The following PRRC2B variants were observed in gnomAD, a reference collection of about 807,000 sequenced individuals.
PRRC2B encodes the protein protein PRRC2B.
A neutral mutation model predicts 242.3 loss-of-function variants in PRRC2B; 68 were observed. That is an observed-to-expected ratio of 0.28 (90% CI 0.23 to 0.34). The LOEUF (loss-of-function observed/expected upper bound fraction) is 0.34. PRRC2B is among the 10% of genes least tolerant of loss of function. PRRC2B has a pLI of 1.00. For missense variants in PRRC2B, 2,835 were observed against 2,954.8 expected (o/e 0.96, Z 0.94); for synonymous variants, 1,228 against 1,173.6 (o/e 1.05, Z -0.95).
At chr9:131,456,885 T>C (rs1943097648) in intron 10 of PRRC2B, among the ~76,000 whole-genome samples, 2 of 152,248 alleles carry the variant, frequency 1.3e-5, no homozygotes, top group African/African-American at 4.8e-5. Flanking sequence ...ACTTTTTCCT[T>C]TGCTTCCTTT....
Position 131,436,683 on chromosome 9 carries a change from C to T in PRRC2B, c.357C>T (p.Val119=), listed in dbSNP as rs1459801667. Residue 119 remains valine, a synonymous_variant, in exon 4 of 32, where the codon GTC becomes GTT. Coordinates refer to ENST00000683519, the MANE Select transcript of PRRC2B (RefSeq NM_013318.4). ...SLPQPGLQKS[V]SNLQKPTQSI... is the part of the protein sequence containing the mutation. Reference sequence around the variant, plus strand: ...CGCAGCCGGGTTTGCAGAAATCTGTCTCCAATTTGCAGAAACCGACACAGT... The same window carrying T: ...CGCAGCCGGGTTTGCAGAAATCTGTTTCCAATTTGCAGAAACCGACACAGT... 5.0e-6 allele frequency: 8 copies of T among 1,613,938 alleles called. No homozygotes were observed. The highest frequency in any genetic ancestry group is 3.3e-5 in the Admixed American group (2 of 60,002).
Position 131,455,083 on chromosome 9 carries a change from T to G in PRRC2B, c.1128T>G (p.His376Gln), listed in dbSNP as rs1943034355. The G allele has an allele frequency of 6.2e-7, 1 of 1,612,980 alleles. No individual in the cohort carries two copies. Among genetic ancestry groups the G allele is most frequent in the Non-Finnish European group, 8.5e-7 (1 of 1,179,324 alleles). ...ADADDGWAGL[H>Q]EEVDYSEKLK... is the part of the protein sequence containing the mutation. ...GCCCTCCTGCTGTTGTAGGCCTCCA[T>G]GAAGAAGTGGACTATTCTGAGAAAC... Residue 376 changes from histidine (H) to glutamine (Q), a missense_variant, in exon 10 of 32, where the codon CAT becomes CAG. His to Gln is a conservative substitution (Grantham distance 24, BLOSUM62 0). Coordinates refer to ENST00000683519, the MANE Select transcript of PRRC2B (RefSeq NM_013318.4).
intron 1 of PRRC2B, among the ~76,000 whole-genome samples, chr9:131,400,133 G>C (rs1837189358): frequency 1.3e-5 from 2 of 152,030 alleles, no homozygotes; most frequent in African/African-American, 4.8e-5. Context: ...GCCCAGTCTG[G>C]AGTGCAGTGA....
chr9:131,484,874 A>G (rs1228359655), intron 24 of PRRC2B, 74 bp from the exon 25 acceptor site: 3 of 1,567,730 alleles, frequency 1.9e-6, no homozygotes, highest in Non-Finnish European at 2.6e-6. Context: ...CCGAACCCCT[A>G]AAGCTTAGAT....
chr9:131,424,161 T>A (rs1398216568), intron 1 of PRRC2B, among the ~76,000 whole-genome samples: 2 of 152,186 alleles, frequency 1.3e-5, no homozygotes, highest in African/African-American at 4.8e-5. Flanking sequence ...AGGCTGGTCT[T>A]GAACTCTTGG....
At chr9:131,407,726 C>G (rs990890273) in intron 1 of PRRC2B, among the ~76,000 whole-genome samples, 1 of 152,136 alleles carries the variant, frequency 6.6e-6, no homozygotes, top group African/African-American at 2.4e-5. Flanking sequence ...TTTGTCTCGG[C>G]TGAGTTGATG....
intron 1 of PRRC2B, among the ~76,000 whole-genome samples, chr9:131,397,659 C>T (rs1317627312): frequency 1.4e-5 from 2 of 147,022 alleles, no homozygotes; most frequent in African/African-American, 5.1e-5. Context: ...TTATCCTACC[C>T]CTTAAGATTG....
chr9:131,437,813 C>T (rs977805550), intron 4 of PRRC2B, among the ~76,000 whole-genome samples: 6 of 152,198 alleles, frequency 3.9e-5, no homozygotes, highest in Non-Finnish European at 8.8e-5. Flanking sequence ...GAGTTGAGTT[C>T]CTTTCTGCTT....
intron 16 of PRRC2B, 68 bp from the exon 17 acceptor site, chr9:131,477,665 TTGTGTGCAGGC>T: frequency 1.2e-6 from 1 of 852,786 alleles, no homozygotes; most frequent in Non-Finnish European, 1.8e-6. Context: ...GGTGCCGGGC[TTGTGTGCAGGC>T]TGTGTGCACG....
At chr9:131,485,518 C>T (rs554568312) in intron 25 of PRRC2B, 148 of 464,596 alleles carry the variant, frequency 3.2e-4, no homozygotes, top group Non-Finnish European at 4.6e-4. Flanking sequence ...TGGCCACACC[C>T]GTGAGGCCAG....
At chr9:131,447,889 C>A (rs908678262) in intron 9 of PRRC2B, 85 bp downstream of exon 9, 3 of 1,426,008 alleles carry the variant, frequency 2.1e-6, no homozygotes, top group East Asian at 2.4e-5. Context: ...CTGGCACCAC[C>A]GTGTGTTTTC....
chr9:131,443,046 A>G (rs899464820), intron 5 of PRRC2B, among the ~76,000 whole-genome samples: 41 of 152,236 alleles, frequency 2.7e-4, no homozygotes, highest in African/African-American at 9.4e-4. Flanking sequence ...TCATGTGTAT[A>G]AATCTAATTT....
chr9:131,493,216 A>G (rs1944244600), intron 30 of PRRC2B, among the ~76,000 whole-genome samples: 1 of 152,144 alleles, frequency 6.6e-6, no homozygotes, highest in South Asian at 2.1e-4. Context: ...ATTTCCAGAG[A>G]AAGGGGTTTT....
At chr9:131,397,563 G>GTTTTTTTTTTTTTTTTTTT (rs58424444) in intron 1 of PRRC2B, among the ~76,000 whole-genome samples, 1 of 98,990 alleles carries the variant, frequency 1.0e-5, no homozygotes, top group Non-Finnish European at 1.9e-5. Context: ...ACTTTTGAGG[G>GTTTTTTTTTTTTTTTTTTT]TTTTTTTTTT....
intron 1 of PRRC2B, among the ~76,000 whole-genome samples, chr9:131,395,053 G>T (rs1446291643): frequency 6.6e-6 from 1 of 151,536 alleles, no homozygotes; most frequent in Non-Finnish European, 1.5e-5. Context: ...GAGTGGATTT[G>T]CCTTAAGAGG....
intron 4 of PRRC2B, among the ~76,000 whole-genome samples, chr9:131,438,041 GCTT>G (rs1158587792): frequency 1.3e-5 from 2 of 152,206 alleles, no homozygotes; most frequent in Non-Finnish European, 2.9e-5. Context: ...AGTGCTCAGT[GCTT>G]CTTTGCTGCT....
At chr9:131,412,350 G>A (rs1440914512) in intron 1 of PRRC2B, among the ~76,000 whole-genome samples, 1 of 152,130 alleles carries the variant, frequency 6.6e-6, no homozygotes, top group East Asian at 1.9e-4. Context: ...GTATAGTTGT[G>A]TATGTTTATT....
upstream of PRRC2B, among the ~76,000 whole-genome samples, chr9:131,392,627 G>A (rs574183732): frequency 5.3e-5 from 8 of 152,188 alleles, no homozygotes; most frequent in Admixed American, 5.2e-4. Context: ...ATGCAGATTT[G>A]ATGATGTAAA....
In PRRC2B at chr9:131,482,250, G is replaced by A; in HGVS notation, c.4984-121G>A. ...CTCAGCAGGGCAGGATCAAGATCAG[G>A]ACCAGACTTGGCAAGGGACAGGCAG... On this transcript the variant is annotated intron_variant, in intron 20 of 31. Transcript: ENST00000683519. This position sits in a 1 kb window ranked among gnomAD's most constrained non-coding sequence, Gnocchi z 5.2. 1 of 1,124,610 alleles carries A rather than the reference G, an allele frequency of 8.9e-7. No individual in the cohort carries two copies. Among genetic ancestry groups the A allele is most frequent in the Non-Finnish European group, 1.3e-6 (1 of 780,316 alleles). 69.7% of individuals were successfully genotyped at this position (1,124,610 alleles called of 1,614,324 possible).
Sources: allele counts gnomAD v4.1 joint callset (sites outside exome capture counted in the v4.1 genomes callset), GRCh38; gene constraint gnomAD v4.1.1; non-coding constraint Gnocchi (gnomAD v3.1); transcripts MANE v1.5; gene names NCBI Gene and HGNC (gene_info 2026-07-23, HGNC 2026-07-21).